ANLN: variants seen among roughly 807,000 people sequenced by gnomAD.
The protein encoded by ANLN is anillin.
ANLN carries 59 observed loss-of-function variants against 135.1 expected under a neutral mutation model. That is an observed-to-expected ratio of 0.44 (90% confidence interval 0.35 to 0.54). The LOEUF (loss-of-function observed/expected upper bound fraction) is 0.54, where lower values mean the gene tolerates loss of function less well. Ranked by LOEUF, ANLN falls within the 20% of genes least tolerant of loss-of-function variation. The probability of loss-of-function intolerance (pLI) is 0.00; values close to 1 mark genes in which losing one functional copy is unlikely to be tolerated. For synonymous variants in ANLN, 406 were observed against 456.4 expected, an observed-to-expected ratio of 0.89 and a Z score of 1.41; for missense variants, 1,182 against 1,340.0, an observed-to-expected ratio of 0.88 and a Z score of 1.84.
intron 20 of ANLN, among the ~76,000 whole-genome samples, chr7:36,428,063 TGTTTTCCA>T: frequency 6.6e-6 from 1 of 152,340 alleles, no homozygotes; most frequent in East Asian, 1.9e-4. Flanking sequence ...TCTAGGGTCT[TGTTTTCCA>T]GTACAGAAAT....
Position 36,425,725 on chromosome 7 carries a change from C to T in ANLN, c.2733C>T (p.Leu911=), listed in dbSNP as rs1788054530. 6.2e-7 allele frequency: 1 copy of T among 1,612,004 alleles called. No homozygotes were observed. The highest frequency in any genetic ancestry group is 8.5e-7 in the Non-Finnish European group (1 of 1,178,434). ...KSKAITPKRL[L]TSITTKSNIH... ...AGGCTATTACTCCAAAGCGACTCCT[C>T]ACATCTATAACCACAGTAAGTAGAA... The change falls in exon 18 of 24, where the codon CTC becomes CTT. Residue 911 remains leucine (L), a synonymous_variant. Transcript: ENST00000265748.
At chr7:36,415,014 T>TA (rs1427768444) in intron 7 of ANLN, among the ~76,000 whole-genome samples, 4 of 152,248 alleles carry the variant, frequency 2.6e-5, no homozygotes, top group Admixed American at 1.3e-4. Flanking sequence ...GAGCTCTGTA[T>TA]AAGTATTAGC....
intron 17 of ANLN, among the ~76,000 whole-genome samples, chr7:36,425,136 A>T (rs993731473): frequency 2.0e-5 from 3 of 152,010 alleles, no homozygotes; most frequent in African/African-American, 7.2e-5. Context: ...TTCTTTTCTT[A>T]AGTCATCATT....
chr7:36,403,610 AAG>A (rs1787057805), intron 3 of ANLN: 1 of 152,356 alleles, frequency 6.6e-6, no homozygotes, highest in Admixed American at 6.5e-5. Context: ...TGTGCAGGGA[AAG>A]AGGGGCGGTA....
At chr7:36,436,399 C>T (rs1230235688) in intron 20 of ANLN, among the ~76,000 whole-genome samples, 3 of 152,074 alleles carry the variant, frequency 2.0e-5, no homozygotes, top group African/African-American at 7.2e-5. Context: ...CCGCATTTTG[C>T]CTATTGTGAA....
chr7:36,447,417 C>CTTTTT (rs978030270), intron 22 of ANLN, among the ~76,000 whole-genome samples: 18 of 105,872 alleles, frequency 1.7e-4, no homozygotes, highest in African/African-American at 1.7e-4. Flanking sequence ...AGCAGTTGAT[C>CTTTTT]TTTTTTTTTT....
At chr7:36,396,465 T>C in intron 2 of ANLN, 46 bp downstream of exon 2, 1 of 1,526,952 alleles carries the variant, frequency 6.5e-7, no homozygotes, top group Middle Eastern at 1.8e-4. Flanking sequence ...TTTTTTTCTT[T>C]TGAAGGAGAC....
chr7:36,447,417 CTTTT>C (rs978030270), intron 22 of ANLN, among the ~76,000 whole-genome samples: 1 of 105,870 alleles, frequency 9.4e-6, no homozygotes, highest in African/African-American at 3.5e-5. Flanking sequence ...AGCAGTTGAT[CTTTT>C]TTTTTTTTTT....
chr7:36,443,033 G>A (rs1788841397), intron 21 of ANLN, among the ~76,000 whole-genome samples: 1 of 151,994 alleles, frequency 6.6e-6, no homozygotes, highest in Non-Finnish European at 1.5e-5. Flanking sequence ...AAAACTCTTA[G>A]CTTCTACTTA....
intron 21 of ANLN, among the ~76,000 whole-genome samples, chr7:36,441,063 A>G (rs1788750534): frequency 6.6e-6 from 1 of 152,204 alleles, no homozygotes; most frequent in African/African-American, 2.4e-5. Flanking sequence ...TATCACATAT[A>G]AATCCAGCAG....
At position 36,452,463 on chromosome 7, in the gene ANLN, G is replaced by A; in HGVS notation, c.3252-14G>A. ...GAGAAGAATTCTGACCTCTTTGGTT[G>A]TTTGTTCCTGTAGGAACTGGCTGTC... On this transcript the variant is annotated splice_polypyrimidine_tract_variant and intron_variant, in intron 23 of 23. Coordinates refer to ENST00000265748, the MANE Select transcript of ANLN (RefSeq NM_018685.5). 2 of 1,613,780 alleles carry A rather than the reference G, an allele frequency of 1.2e-6. No individual in the cohort carries two copies. The highest frequency in any genetic ancestry group is 1.7e-6 in the Non-Finnish European group (2 of 1,179,746).
chr7:36,431,818 T>A (rs1054986693), intron 20 of ANLN, among the ~76,000 whole-genome samples: 1 of 151,678 alleles, frequency 6.6e-6, no homozygotes, highest in Non-Finnish European at 1.5e-5. Flanking sequence ...AGTTAGCCTA[T>A]CCCTTCTGCC....
chr7:36,449,864 A>G (rs372768216), intron 23 of ANLN, 27 bp downstream of exon 23: 414 of 1,602,534 alleles, frequency 2.6e-4, no homozygotes, highest in Non-Finnish European at 3.2e-4. Flanking sequence ...AAATATTTCT[A>G]TCAACTAAGC....
At chr7:36,437,815 A>G (rs1166886694) in intron 20 of ANLN, among the ~76,000 whole-genome samples, 67 of 151,904 alleles carry the variant, frequency 4.4e-4, no homozygotes, top group Admixed American at 4.3e-3. Context: ...CTTGCTGCCC[A>G]GGCTGGAGTG....
At position 36,410,608 on chromosome 7, in the gene ANLN, C is replaced by T. The variant is rs1424735176; in HGVS notation, c.1191C>T (p.Thr397=). Residue 397 remains threonine (T), a synonymous_variant, in exon 6 of 24, where the codon ACC becomes ACT. Coordinates refer to ENST00000265748, the MANE Select transcript of ANLN (RefSeq NM_018685.5). ...CAGCTCGTAGCACACCCCACAGAAC[C>T]CCCATTATTACTCCAAATACAAAGG... ...ESPARSTPHR[T]PIITPNTKAI... 5.0e-6 allele frequency: 8 copies of T among 1,613,922 alleles called. No homozygotes were observed. Among genetic ancestry groups the T allele is most frequent in the African/African-American group, 4.0e-5 (3 of 74,858 alleles).
chr7:36,428,385 A>G, intron 20 of ANLN: 1 of 1,241,466 alleles, frequency 8.1e-7, no homozygotes, highest in Middle Eastern at 2.2e-4. Context: ...CTTTGCTTGA[A>G]ATTAATGAGC....
In ANLN at chr7:36,420,759, G is replaced by A. The variant is rs542749124; in HGVS notation, c.2163+15G>A. The A allele has an allele frequency of 2.5e-6, 4 of 1,613,120 alleles. No homozygotes were observed. In the African/African-American group the frequency reaches 5.3e-5, roughly 22 times the overall value. ...AGAAAATGCAGGTATGTACTTTTGT[G>A]GAAAGGGGCTTTGGAATGTTTCTTG... On this transcript the variant is annotated intron_variant, in intron 12 of 23. Coordinates refer to ENST00000265748, the MANE Select transcript of ANLN (RefSeq NM_018685.5).
chr7:36,435,392 G>T (rs959769629), intron 20 of ANLN, among the ~76,000 whole-genome samples: 21 of 151,246 alleles, frequency 1.4e-4, no homozygotes, highest in African/African-American at 3.9e-4. Context: ...TGGTGGGGGG[G>T]GGGTCTCAGT....
intron 14 of ANLN, among the ~76,000 whole-genome samples, chr7:36,423,355 T>A (rs1291275828): frequency 2.0e-5 from 3 of 152,100 alleles, no homozygotes; most frequent in Non-Finnish European, 4.4e-5. Context: ...ATTGGTAATT[T>A]AGTATGCGTC....
Sources: gnomAD v4.1 joint callset for allele counts (sites outside exome capture counted in the v4.1 genomes callset) on GRCh38, gnomAD v4.1.1 for gene constraint, MANE v1.5 for transcripts, NCBI Gene and HGNC (gene_info 2026-07-23, HGNC 2026-07-21) for gene names.